The following PCGF6 variants were observed in gnomAD, a reference collection of about 807,000 sequenced individuals.
The protein encoded by PCGF6 is polycomb group RING finger protein 6.
A neutral mutation model predicts 45.5 loss-of-function variants in PCGF6; 24 were observed. The ratio of observed to expected loss-of-function variants is 0.53; its 90% CI spans 0.38 to 0.74. PCGF6 has a LOEUF of 0.74. PCGF6 is among the 30% of genes least tolerant of loss of function. The probability of loss-of-function intolerance (pLI) is 0.00; values close to 1 mark genes in which losing one functional copy is unlikely to be tolerated. For missense variants in PCGF6, 356 were observed against 443.2 expected, an observed-to-expected ratio of 0.80 and a Z score of 1.77; for synonymous variants, 152 against 162.1, an observed-to-expected ratio of 0.94 and a Z score of 0.47.
chr10:103,345,222 T>C (rs912894016), intron 5 of PCGF6, 90 bp from the exon 6 acceptor site: 18 of 909,756 alleles, frequency 2.0e-5, no homozygotes, highest in Middle Eastern at 4.7e-4. Flanking sequence ...TATAATTATG[T>C]TGAGTATTTA....
chr10:103,324,586 C>T (rs1198147452), intron 8 of PCGF6, among the ~76,000 whole-genome samples: 1 of 150,422 alleles, frequency 6.6e-6, no homozygotes, highest in East Asian at 2.0e-4. Context: ...ATGGTGAAAC[C>T]CCGTCTCTAC....
chr10:103,316,043 G>T (rs979989421), intron 8 of PCGF6, among the ~76,000 whole-genome samples: 20 of 143,008 alleles, frequency 1.4e-4, no homozygotes, highest in Admixed American at 2.1e-4. Flanking sequence ...GAGAGAGAGA[G>T]ATATCTCACT....
chr10:103,307,511 C>T (rs567151882), intron 9 of PCGF6, among the ~76,000 whole-genome samples: 1 of 152,308 alleles, frequency 6.6e-6, no homozygotes, highest in East Asian at 1.9e-4. Context: ...CAGGGTCTTG[C>T]TCTGTCGCAC....
chr10:103,342,265 C>T (rs545302187), intron 6 of PCGF6, among the ~76,000 whole-genome samples: 13 of 144,054 alleles, frequency 9.0e-5, no homozygotes, highest in Non-Finnish European at 2.0e-4. Flanking sequence ...CAGAGTTTCG[C>T]TCTCATTGCC....
intron 6 of PCGF6, among the ~76,000 whole-genome samples, chr10:103,339,811 ACACAC>A (rs1429536451): frequency 0.043 from 1,913 of 44,986 alleles, 152 homozygotes; most frequent in African/African-American, 0.093. Flanking sequence ...CAAAAAAAAA[ACACAC>A]ACACACACAC....
chr10:103,311,624 T>TTA (rs1263116138), intron 9 of PCGF6, among the ~76,000 whole-genome samples: 3 of 151,914 alleles, frequency 2.0e-5, no homozygotes, highest in Admixed American at 2.0e-4. Context: ...TTTCTTGTCT[T>TTA]TAATAGAGAT....
At chr10:103,314,312 C>T in intron 8 of PCGF6, 40 bp from the exon 9 acceptor site, 1 of 1,183,648 alleles carries the variant, frequency 8.4e-7, no homozygotes. Flanking sequence ...TTTCTTGCTT[C>T]AAAATACCAT....
intron 6 of PCGF6, among the ~76,000 whole-genome samples, chr10:103,336,827 G>T (rs2093259044): frequency 6.6e-6 from 1 of 151,684 alleles, no homozygotes; most frequent in South Asian, 2.1e-4. Flanking sequence ...GTGAGCCGAG[G>T]TCGTGCCACT....
In PCGF6 at chr10:103,349,479, GTTTTTT is replaced by G. The variant is rs11450842; in HGVS notation, c.361-486_361-481del. Among the ~76,000 whole-genome samples, 3 of 108,148 alleles carry G rather than the reference GTTTTTT, an allele frequency of 2.8e-5. No individual in the cohort carries two copies. In the East Asian group the frequency reaches 8.4e-4, roughly 30 times the overall value. The allele number at this position is 108,148 out of a possible 152,430, so 70.9% of individuals were successfully genotyped here. Reference sequence around the variant, plus strand: ...TATAAATTATTGTTTCTTTCTTTCCGTTTTTTTTTTTTTTTTTTTGAGAGGGAGTCT... The same window carrying G: ...TATAAATTATTGTTTCTTTCTTTCCGTTTTTTTTTTTTTGAGAGGGAGTCT... On this transcript the variant is annotated intron_variant, in intron 1 of 9. Coordinates refer to ENST00000369847, the MANE Select transcript of PCGF6 (RefSeq NM_001011663.2).
chr10:103,330,802 A>C (rs1439386223), intron 7 of PCGF6, among the ~76,000 whole-genome samples: 1 of 152,134 alleles, frequency 6.6e-6, no homozygotes, highest in East Asian at 1.9e-4. Flanking sequence ...GGTGGGGCGC[A>C]CCTGTAATAC....
intron 5 of PCGF6, among the ~76,000 whole-genome samples, chr10:103,345,381 G>C (rs1471704695): frequency 1.3e-5 from 2 of 152,176 alleles, no homozygotes; most frequent in South Asian, 2.1e-4. Flanking sequence ...GAGCTCATTA[G>C]AACAGCAACA....
intron 9 of PCGF6, among the ~76,000 whole-genome samples, chr10:103,310,892 G>A (rs1815335688): frequency 6.6e-6 from 1 of 152,022 alleles, no homozygotes; most frequent in African/African-American, 2.4e-5. Flanking sequence ...GTAGAGATGG[G>A]GTTTCATCAC....
intron 6 of PCGF6, among the ~76,000 whole-genome samples, chr10:103,342,798 C>G (rs2093285778): frequency 6.6e-6 from 1 of 152,124 alleles, no homozygotes; most frequent in Non-Finnish European, 1.5e-5. Flanking sequence ...TTGCAACACT[C>G]TTTAATAATA....
chr10:103,349,961 T>G (rs934794611), intron 1 of PCGF6, among the ~76,000 whole-genome samples: 1 of 151,542 alleles, frequency 6.6e-6, no homozygotes, highest in African/African-American at 2.4e-5. Flanking sequence ...GGGCGCCTTG[T>G]AGTCCCAGCT....
intron 7 of PCGF6, among the ~76,000 whole-genome samples, chr10:103,332,522 T>A (rs969192335): frequency 1.3e-4 from 19 of 151,934 alleles, no homozygotes; most frequent in Non-Finnish European, 2.6e-4. Context: ...GCAATCCTCC[T>A]GAGTTGGCCT....
At chr10:103,338,378 C>CT (rs2093265830) in intron 6 of PCGF6, among the ~76,000 whole-genome samples, 1 of 150,350 alleles carries the variant, frequency 6.7e-6, no homozygotes. Context: ...CCTGTCTCTA[C>CT]AAAAAAACAA....
At chr10:103,320,757 C>CA (rs1312462792) in intron 8 of PCGF6, among the ~76,000 whole-genome samples, 2 of 152,012 alleles carry the variant, frequency 1.3e-5, no homozygotes, top group African/African-American at 4.8e-5. Flanking sequence ...TGATCTGCCA[C>CA]AAAAAACTTT....
Position 103,345,136 on chromosome 10 carries a change from T to C in PCGF6, c.674-4A>G. 1 of 1,571,064 alleles carries C rather than the reference T, an allele frequency of 6.4e-7. No individual in the cohort carries two copies. The highest frequency in any genetic ancestry group is 8.6e-7 in the Non-Finnish European group (1 of 1,156,470). On this transcript the variant is annotated splice_region_variant and splice_polypyrimidine_tract_variant and intron_variant, in intron 5 of 9. Coordinates refer to ENST00000369847, the MANE Select transcript of PCGF6 (RefSeq NM_001011663.2). ...GAAGGGACTGGCTGTGGAACAGCTATTTAATAGTCAAACAAAAATGTTAAT... is the reference window on the plus strand; with the variant it reads ...GAAGGGACTGGCTGTGGAACAGCTACTTAATAGTCAAACAAAAATGTTAAT...
At chr10:103,336,004 C>T (rs2093255865) in intron 6 of PCGF6, among the ~76,000 whole-genome samples, 1 of 151,090 alleles carries the variant, frequency 6.6e-6, no homozygotes, top group Non-Finnish European at 1.5e-5. Flanking sequence ...CGGTGGCTCA[C>T]GCCTGTAATC....
Sources: gnomAD v4.1 joint callset for allele counts (sites outside exome capture counted in the v4.1 genomes callset) on GRCh38, gnomAD v4.1.1 for gene constraint, MANE v1.5 for transcripts, NCBI Gene and HGNC (gene_info 2026-07-23, HGNC 2026-07-21) for gene names.